CTNNA3: variants seen among roughly 807,000 people sequenced by gnomAD.
CTNNA3 encodes catenin alpha-3.
Under a neutral mutation model 95.7 loss-of-function variants are expected in CTNNA3, and 76 were observed. That is an observed-to-expected ratio of 0.79 (90% confidence interval 0.66 to 0.96). The LOEUF (loss-of-function observed/expected upper bound fraction) is 0.96, where lower values mean the gene tolerates loss of function less well. CTNNA3 is among the 40% of genes least tolerant of loss of function. The pLI, the probability that CTNNA3 is intolerant of heterozygous loss-of-function variation, is 0.00. For missense variants in CTNNA3, 1,191 were observed against 1,089.8 expected, an observed-to-expected ratio of 1.09 and a Z score of -1.31; for synonymous variants, 431 against 374.4, an observed-to-expected ratio of 1.15 and a Z score of -1.74.
intron 15 of CTNNA3, among the ~76,000 whole-genome samples, chr10:66,066,196 T>C (rs1174803906): frequency 6.6e-6 from 1 of 152,158 alleles, no homozygotes; most frequent in Non-Finnish European, 1.5e-5. Flanking sequence ...CTATTATAGT[T>C]CAGGTTTCTT....
chr10:66,248,288 A>G (rs956522559), intron 13 of CTNNA3, among the ~76,000 whole-genome samples: 6 of 151,874 alleles, frequency 4.0e-5, no homozygotes, highest in African/African-American at 1.2e-4. Context: ...CACACCACTA[A>G]TGAAAATTGC....
chr10:67,013,240 ATT>A (rs1426536242), intron 7 of CTNNA3, among the ~76,000 whole-genome samples: 2 of 151,536 alleles, frequency 1.3e-5, no homozygotes, highest in Non-Finnish European at 2.9e-5. Context: ...TTAATACTCT[ATT>A]AAGTTGCCTC....
intron 11 of CTNNA3, among the ~76,000 whole-genome samples, chr10:66,485,303 GT>G (rs1162820963): frequency 6.6e-6 from 1 of 152,078 alleles, no homozygotes; most frequent in Non-Finnish European, 1.5e-5. Flanking sequence ...AAATATCACT[GT>G]TTATAGATAA....
intron 17 of CTNNA3, among the ~76,000 whole-genome samples, chr10:65,924,625 A>G (rs1177541981): frequency 6.7e-6 from 1 of 149,140 alleles, no homozygotes; most frequent in East Asian, 2.0e-4. Flanking sequence ...TCTACTACAG[A>G]TGTCTTGCAG....
At chr10:66,073,615 T>G (rs1220838419) in intron 14 of CTNNA3, among the ~76,000 whole-genome samples, 2 of 152,176 alleles carry the variant, frequency 1.3e-5, no homozygotes, top group Non-Finnish European at 2.9e-5. Flanking sequence ...TAGCCTATTC[T>G]GTCAGTTGTC....
At chr10:66,925,323 C>T (rs1379097411) in intron 7 of CTNNA3, among the ~76,000 whole-genome samples, 1 of 152,114 alleles carries the variant, frequency 6.6e-6, no homozygotes, top group Non-Finnish European at 1.5e-5. Context: ...TTAGAAAGTG[C>T]TCCATAAATA....
intron 10 of CTNNA3, among the ~76,000 whole-genome samples, chr10:66,579,331 A>G (rs1238406726): frequency 6.6e-6 from 1 of 151,872 alleles, no homozygotes; most frequent in Non-Finnish European, 1.5e-5. Context: ...ATCAAGTATT[A>G]CAGAAGAATC....
At chr10:66,582,348 TACTACAC>T in intron 10 of CTNNA3, among the ~76,000 whole-genome samples, 1 of 151,914 alleles carries the variant, frequency 6.6e-6, no homozygotes, top group African/African-American at 2.4e-5. Flanking sequence ...CTTGTAGAGA[TACTACAC>T]CTCCTTGGTT....
intron 13 of CTNNA3, among the ~76,000 whole-genome samples, chr10:66,193,965 A>T (rs1288565878): frequency 6.6e-6 from 1 of 152,220 alleles, no homozygotes; most frequent in Non-Finnish European, 1.5e-5. Flanking sequence ...TAATTATAAT[A>T]TAACCCATTA....
At chr10:66,705,057 AAGTTTCTTTCCATTCCC>A (rs1848072689) in intron 9 of CTNNA3, among the ~76,000 whole-genome samples, 1 of 152,058 alleles carries the variant, frequency 6.6e-6, no homozygotes, top group South Asian at 2.1e-4. Flanking sequence ...CAAGTTGAAG[AAGTTTCTTTCCATTCCC>A]AGTTTTTACT....
chr10:67,330,461 T>C (rs952367513), intron 5 of CTNNA3, among the ~76,000 whole-genome samples: 4 of 152,170 alleles, frequency 2.6e-5, no homozygotes, highest in Admixed American at 6.5e-5. Flanking sequence ...TATAAAGCGA[T>C]TGGCACAGTG....
At chr10:67,509,025 T>C (rs1189146104) in intron 5 of CTNNA3, among the ~76,000 whole-genome samples, 1 of 151,878 alleles carries the variant, frequency 6.6e-6, no homozygotes, top group Non-Finnish European at 1.5e-5. Flanking sequence ...TATAGGCACC[T>C]GCCACCACGC....
In CTNNA3 at chr10:66,063,194, GTATA is replaced by G. The variant is rs150710369; in HGVS notation, c.2159+6110_2159+6113del. Reference sequence around the variant, plus strand: ...CTTTCCAGCCAATGACTGGATACATGTATATATATATATATATATAGATATAGAT... The same window carrying G: ...CTTTCCAGCCAATGACTGGATACATGTATATATATATATATAGATATAGAT... On this transcript the variant is annotated intron_variant, in intron 15 of 17. Coordinates refer to ENST00000433211, the MANE Select transcript of CTNNA3 (RefSeq NM_013266.4). 5.4e-3 allele frequency among the ~76,000 whole-genome samples: 653 copies of G among 119,852 alleles called. 5 individuals are homozygous for G. Among genetic ancestry groups the G allele is most frequent in the African/African-American group, 0.019 (556 of 30,030 alleles). 78.6% of individuals were successfully genotyped at this position (119,852 alleles called of 152,430 possible). A position where few individuals can be genotyped will look rare whatever the true frequency, so the allele number is the denominator to read the frequency against.
At chr10:66,495,576 G>A (rs1285039612) in intron 11 of CTNNA3, among the ~76,000 whole-genome samples, 3 of 152,194 alleles carry the variant, frequency 2.0e-5, no homozygotes, top group South Asian at 2.1e-4. Context: ...AAGTATCTAC[G>A]TAATTGGGAA....
At chr10:67,045,890 C>T (rs1854713326) in intron 7 of CTNNA3, among the ~76,000 whole-genome samples, 1 of 152,206 alleles carries the variant, frequency 6.6e-6, no homozygotes, top group Non-Finnish European at 1.5e-5. Context: ...AAATAATAAG[C>T]TGTAAAAAGA....
chr10:67,212,511 T>C (rs1288523317), intron 6 of CTNNA3, among the ~76,000 whole-genome samples: 2 of 152,008 alleles, frequency 1.3e-5, no homozygotes, highest in Non-Finnish European at 2.9e-5. Flanking sequence ...ATTTACTCAT[T>C]TTTATTCATT....
intron 13 of CTNNA3, among the ~76,000 whole-genome samples, chr10:66,226,945 AT>A (rs1051893123): frequency 5.9e-5 from 9 of 151,846 alleles, no homozygotes; most frequent in Non-Finnish European, 1.0e-4. Context: ...CAGGTCTAAG[AT>A]TTTTTTTGGT....
intron 5 of CTNNA3, among the ~76,000 whole-genome samples, chr10:67,338,866 A>C (rs1842083945): frequency 6.6e-6 from 1 of 152,210 alleles, no homozygotes; most frequent in Non-Finnish European, 1.5e-5. Context: ...ATATCTGTAA[A>C]CATTTGTTTC....
At chr10:67,330,326 T>C (rs549511509) in intron 5 of CTNNA3, among the ~76,000 whole-genome samples, 167 of 152,302 alleles carry the variant, frequency 1.1e-3, no homozygotes, top group African/African-American at 3.7e-3. Context: ...ATGAAGCAGC[T>C]CTTAAATATT....
Sources: gnomAD v4.1 joint callset for allele counts (sites outside exome capture counted in the v4.1 genomes callset) on GRCh38, gnomAD v4.1.1 for gene constraint, MANE v1.5 for transcripts, NCBI Gene and HGNC (gene_info 2026-07-23, HGNC 2026-07-21) for gene names.